CTNNBL1: variants seen among roughly 807,000 people sequenced by gnomAD.
The protein encoded by CTNNBL1 is catenin beta like 1.
CTNNBL1 carries 31 observed loss-of-function variants against 72.7 expected under a neutral mutation model. The ratio of observed to expected loss-of-function variants is 0.43; its 90% confidence interval spans 0.32 to 0.58. The LOEUF (loss-of-function observed/expected upper bound fraction) is 0.58, where lower values mean the gene tolerates loss of function less well. CTNNBL1 is among the 20% of genes least tolerant of loss of function. CTNNBL1 has a pLI of 0.08. For synonymous variants in CTNNBL1, 240 were observed against 267.3 expected, an observed-to-expected ratio of 0.90 and a Z score of 1.00; for missense variants, 534 against 725.1, an observed-to-expected ratio of 0.74 and a Z score of 3.03.
chr20:37,774,403 C>T (rs2073555561), intron 7 of CTNNBL1, among the ~76,000 whole-genome samples: 1 of 152,224 alleles, frequency 6.6e-6, no homozygotes, highest in African/African-American at 2.4e-5. Flanking sequence ...AGCTGCTTCT[C>T]AGCTGGCACT....
intron 3 of CTNNBL1, among the ~76,000 whole-genome samples, chr20:37,739,991 G>A (rs1568758616): frequency 7.2e-5 from 11 of 152,128 alleles, no homozygotes; most frequent in Admixed American, 7.2e-4. Context: ...GTAGATACAC[G>A]TCTCTCAATT....
intron 10 of CTNNBL1, among the ~76,000 whole-genome samples, chr20:37,794,666 T>C (rs146199384): frequency 4.4e-4 from 67 of 152,066 alleles, no homozygotes; most frequent in African/African-American, 1.6e-3. Flanking sequence ...CTAATTTTTT[T>C]TTTTTTTCTA....
intron 5 of CTNNBL1, among the ~76,000 whole-genome samples, chr20:37,760,015 A>G (rs1415927868): frequency 6.6e-6 from 1 of 152,248 alleles, no homozygotes; most frequent in African/African-American, 2.4e-5. Context: ...AGTCCTAAGC[A>G]ATAGGATGGC....
At chr20:37,860,765 A>G (rs2072484736) in intron 15 of CTNNBL1, among the ~76,000 whole-genome samples, 1 of 152,266 alleles carries the variant, frequency 6.6e-6, no homozygotes, top group South Asian at 2.1e-4. Flanking sequence ...GTCCAGAAAT[A>G]GATAAGTACA....
chr20:37,812,702 G>A (rs1015532220), intron 11 of CTNNBL1, among the ~76,000 whole-genome samples: 1 of 152,176 alleles, frequency 6.6e-6, no homozygotes, highest in Non-Finnish European at 1.5e-5. Context: ...GTAGCTGGAA[G>A]CTGAACAGGT....
intron 1 of CTNNBL1, among the ~76,000 whole-genome samples, chr20:37,728,837 A>G (rs2073106619): frequency 6.6e-6 from 1 of 152,194 alleles, no homozygotes; most frequent in African/African-American, 2.4e-5. Context: ...AAAGCTGAAT[A>G]CTGTGTGTGA....
intron 10 of CTNNBL1, among the ~76,000 whole-genome samples, chr20:37,798,924 A>G (rs569271911): frequency 6.6e-6 from 1 of 152,298 alleles, no homozygotes; most frequent in Admixed American, 6.5e-5. Context: ...TATCTGTCCT[A>G]GTCATGACTT....
rs190152331 is a variant in CTNNBL1, at chr20:37,859,881, A to G, written c.1393-18A>G. 4.0e-4 allele frequency: 639 copies of G among 1,612,906 alleles called. No individual in the cohort carries two copies. The highest frequency in any genetic ancestry group is 5.3e-4 in the Non-Finnish European group (620 of 1,179,256). The stretch of plus-strand genomic sequence containing the variant: ...TTCACTGTCCAGCTTTTATTCCTAA[A>G]CGTTCATTTGTTTCTAGGACATGGT... On this transcript the variant is annotated intron_variant, in intron 13 of 15. Transcript: ENST00000361383.
intron 11 of CTNNBL1, among the ~76,000 whole-genome samples, chr20:37,808,294 GA>G (rs1339423064): frequency 6.6e-6 from 1 of 152,200 alleles, no homozygotes; most frequent in Non-Finnish European, 1.5e-5. Flanking sequence ...TAACAGTGAG[GA>G]AATCGGGTCA....
rs368112021 is a variant in CTNNBL1, at chr20:37,755,696, G to C, written c.467-1863G>C. On this transcript the variant is annotated intron_variant, in intron 4 of 15. Coordinates refer to ENST00000361383, the MANE Select transcript of CTNNBL1 (RefSeq NM_030877.5). ...TCAGCTAGCAAGTCCTGTCATTCTTGTTCTTATATTCTGCATCTTTTATTT... is the reference window on the plus strand; with the variant it reads ...TCAGCTAGCAAGTCCTGTCATTCTTCTTCTTATATTCTGCATCTTTTATTT... Among the ~76,000 whole-genome samples the C allele has an allele frequency of 9.8e-5, 15 of 152,304 alleles. No individual in the cohort carries two copies. In the East Asian group the frequency reaches 1.7e-3, roughly 18 times the overall value.
chr20:37,864,365 C>A (rs1023920938), intron 15 of CTNNBL1, among the ~76,000 whole-genome samples: 1 of 152,080 alleles, frequency 6.6e-6, no homozygotes. Flanking sequence ...GATTTTATGG[C>A]CTACATATTT....
intron 10 of CTNNBL1, among the ~76,000 whole-genome samples, chr20:37,796,338 T>C (rs1032082122): frequency 6.6e-6 from 1 of 152,174 alleles, no homozygotes; most frequent in African/African-American, 2.4e-5. Context: ...CTCCTAGCTC[T>C]GTCTCCTCCC....
intron 11 of CTNNBL1, among the ~76,000 whole-genome samples, chr20:37,819,351 T>A (rs933115177): frequency 2.0e-5 from 3 of 152,214 alleles, no homozygotes; most frequent in Non-Finnish European, 4.4e-5. Flanking sequence ...ATATTTCAGA[T>A]GACTGAAATT....
intron 12 of CTNNBL1, among the ~76,000 whole-genome samples, chr20:37,841,884 A>G (rs545868965): frequency 2.6e-5 from 4 of 152,318 alleles, no homozygotes; most frequent in Admixed American, 6.5e-5. Flanking sequence ...GATTTTACTC[A>G]GGCATTTTTA....
At chr20:37,869,312 A>C (rs1220076344) in intron 15 of CTNNBL1, among the ~76,000 whole-genome samples, 1 of 152,186 alleles carries the variant, frequency 6.6e-6, no homozygotes, top group Non-Finnish European at 1.5e-5. Flanking sequence ...GAGAGGTCAC[A>C]TGCTTTGTCT....
chr20:37,771,612 ATTATCTTGACCTCT>A (rs1351807820), intron 7 of CTNNBL1, among the ~76,000 whole-genome samples: 52 of 151,214 alleles, frequency 3.4e-4, no homozygotes, highest in Admixed American at 3.4e-3. Flanking sequence ...AAAGGTCAAA[ATTATCTTGACCTCT>A]GTGTCTGGCT....
At chr20:37,704,289 G>A (rs1364559434) in intron 1 of CTNNBL1, among the ~76,000 whole-genome samples, 1 of 152,202 alleles carries the variant, frequency 6.6e-6, no homozygotes, top group Admixed American at 6.5e-5. Context: ...AAGATGTGGT[G>A]GCACAAAGAC....
intron 13 of CTNNBL1, among the ~76,000 whole-genome samples, chr20:37,858,783 C>G (rs145467258): frequency 6.6e-6 from 1 of 152,174 alleles, no homozygotes; most frequent in African/African-American, 2.4e-5. Context: ...ATGAGGACAG[C>G]AAGTCTGAGA....
At position 37,821,940 on chromosome 20, in the gene CTNNBL1, C is replaced by A. The variant is rs144509035; in HGVS notation, c.1214-18162C>A. The stretch of plus-strand genomic sequence containing the variant: ...CAGTGGAATCCTCCCACCCCTCCCC[C>A]TGCACAACCCCCAACTGAGAACCAC... On this transcript the variant is annotated intron_variant, in intron 11 of 15. Coordinates refer to ENST00000361383, the MANE Select transcript of CTNNBL1 (RefSeq NM_030877.5). 8.0e-4 allele frequency among the ~76,000 whole-genome samples: 122 copies of A among 152,218 alleles called. No individual in the cohort carries two copies. In the East Asian group the frequency reaches 0.019, roughly 24 times the overall value.
Sources: gnomAD v4.1 joint callset for allele counts (sites outside exome capture counted in the v4.1 genomes callset) on GRCh38, gnomAD v4.1.1 for gene constraint, MANE v1.5 for transcripts, NCBI Gene and HGNC (gene_info 2026-07-23, HGNC 2026-07-21) for gene names.